The following SEMA3A variants were observed in gnomAD, a reference collection of about 807,000 sequenced individuals.
SEMA3A encodes semaphorin-3A.
In SEMA3A, 29 loss-of-function variants were observed where a neutral mutation model predicts 97.9. That is an observed-to-expected ratio of 0.30 (90% CI 0.22 to 0.40). The LOEUF is 0.40. Ranked by LOEUF, SEMA3A falls within the 10% of genes least tolerant of loss-of-function variation. The probability of loss-of-function intolerance (pLI) is 1.00; values close to 1 mark genes in which losing one functional copy is unlikely to be tolerated. For synonymous variants in SEMA3A, 321 were observed against 323.7 expected (o/e 0.99, Z 0.09); for missense variants, 763 against 951.3 (o/e 0.80, Z 2.60).
intron 3 of SEMA3A, among the ~76,000 whole-genome samples, chr7:84,274,653 T>C (rs930461998): frequency 6.6e-6 from 1 of 152,138 alleles, no homozygotes; most frequent in Non-Finnish European, 1.5e-5. Context: ...TGTACTCTAC[T>C]GTACTTATAA....
chr7:84,016,972 A>G (rs746643603), intron 6 of SEMA3A, among the ~76,000 whole-genome samples: 26 of 152,204 alleles, frequency 1.7e-4, no homozygotes, highest in Non-Finnish European at 2.9e-4. Flanking sequence ...GTAGTTGTTC[A>G]TACAAACACT....
chr7:83,980,623 A>AAAAAAAATATATATATAT (rs1310318006), intron 14 of SEMA3A, among the ~76,000 whole-genome samples: 3 of 71,752 alleles, frequency 4.2e-5, no homozygotes, highest in African/African-American at 2.5e-4. Flanking sequence ...AAAAAAAAAA[A>AAAAAAAATATATATATAT]ATATATATAT....
chr7:84,189,987 A>C (rs940544696), intron 1 of SEMA3A, among the ~76,000 whole-genome samples: 1 of 151,746 alleles, frequency 6.6e-6, no homozygotes, highest in Non-Finnish European at 1.5e-5. Flanking sequence ...AGTCACATGA[A>C]GAGAAAAAAA....
At chr7:84,308,583 T>G (rs1444715399) in intron 2 of SEMA3A, among the ~76,000 whole-genome samples, 2 of 152,122 alleles carry the variant, frequency 1.3e-5, no homozygotes, top group African/African-American at 4.8e-5. Context: ...AGAGTGACAG[T>G]GAGCTACAGC....
intron 3 of SEMA3A, among the ~76,000 whole-genome samples, chr7:84,117,018 C>G (rs1048477821): frequency 9.9e-5 from 15 of 152,114 alleles, no homozygotes; most frequent in Admixed American, 7.9e-4. Flanking sequence ...AATTTTGTCA[C>G]CTGTCAGCCA....
intron 2 of SEMA3A, among the ~76,000 whole-genome samples, chr7:84,130,951 G>A (rs1013929978): frequency 6.6e-6 from 1 of 151,908 alleles, no homozygotes; most frequent in Non-Finnish European, 1.5e-5. Context: ...AGCTCTCGTT[G>A]CTTAATTGTT....
chr7:83,965,383 T>A (rs1039946653), intron 15 of SEMA3A, among the ~76,000 whole-genome samples: 1 of 151,534 alleles, frequency 6.6e-6, no homozygotes, highest in Non-Finnish European at 1.5e-5. Context: ...TGCCAGCATC[T>A]CCTTTATCAA....
chr7:84,072,976 C>T (rs1201697024), intron 4 of SEMA3A, among the ~76,000 whole-genome samples: 1 of 152,086 alleles, frequency 6.6e-6, no homozygotes, highest in Non-Finnish European at 1.5e-5. Context: ...TCGATAACAT[C>T]TTTTTCCAAA....
intron 9 of SEMA3A, among the ~76,000 whole-genome samples, 186 bp from the exon 10 acceptor site, chr7:84,007,683 T>A (rs779084516): frequency 2.0e-4 from 31 of 152,190 alleles, no homozygotes; most frequent in Non-Finnish European, 3.5e-4. Flanking sequence ...AACAAAAAAT[T>A]GTGATTTCTT....
intron 3 of SEMA3A, among the ~76,000 whole-genome samples, chr7:84,243,677 T>A (rs1799417840): frequency 6.6e-6 from 1 of 152,150 alleles, no homozygotes; most frequent in African/African-American, 2.4e-5. Flanking sequence ...TGTAGTTATT[T>A]CTTGTCTTCT....
intron 3 of SEMA3A, among the ~76,000 whole-genome samples, chr7:84,216,710 A>G (rs1798763456): frequency 6.6e-6 from 1 of 152,112 alleles, no homozygotes; most frequent in Non-Finnish European, 1.5e-5. Context: ...AGGTCCATAA[A>G]TATTTTGCAC....
intron 4 of SEMA3A, among the ~76,000 whole-genome samples, chr7:84,085,280 T>C (rs1235970878): frequency 6.6e-6 from 1 of 151,624 alleles, no homozygotes. Context: ...GCATTGAAGT[T>C]TAGGAGGAGC....
At chr7:84,364,131 T>C (rs1802788186) in intron 2 of SEMA3A, among the ~76,000 whole-genome samples, 1 of 151,724 alleles carries the variant, frequency 6.6e-6, no homozygotes, top group Non-Finnish European at 1.5e-5. Flanking sequence ...ACATAATAAA[T>C]ATATATTATA....
In SEMA3A at chr7:83,977,125, G is replaced by A. The variant is rs1302632046; in HGVS notation, c.1717+7C>T. On this transcript the variant is annotated splice_region_variant and intron_variant, in intron 15 of 16. Transcript: ENST00000265362. The stretch of plus-strand genomic sequence containing the variant: ...TAGCAGGTTGAAAGATGAAAAATGT[G>A]ACTTACCATGGTGTAAGTCTGAACA... 1.3e-6 allele frequency: 2 copies of A among 1,527,646 alleles called. No homozygotes were observed. Among genetic ancestry groups the A allele is most frequent in the African/African-American group, 2.8e-5 (2 of 71,574 alleles). 94.6% of individuals were successfully genotyped at this position (1,527,646 alleles called of 1,614,324 possible). A position where few individuals can be genotyped will look rare whatever the true frequency, so the allele number is the denominator to read the frequency against.
chr7:84,294,181 T>C (rs1800816090), intron 3 of SEMA3A, among the ~76,000 whole-genome samples: 1 of 152,064 alleles, frequency 6.6e-6, no homozygotes, highest in African/African-American at 2.4e-5. Flanking sequence ...ATTAAGATTA[T>C]ACATGTTTAT....
intron 4 of SEMA3A, among the ~76,000 whole-genome samples, chr7:84,099,005 T>C (rs1794861573): frequency 6.6e-6 from 1 of 151,660 alleles, no homozygotes; most frequent in Non-Finnish European, 1.5e-5. Flanking sequence ...TCGTGGACAA[T>C]AGTTATAGCA....
chr7:83,963,114 G>T (rs1306191072), intron 16 of SEMA3A, 91 bp downstream of exon 16: 17 of 1,382,256 alleles, frequency 1.2e-5, no homozygotes, highest in Admixed American at 1.7e-5. Flanking sequence ...AGCATTCTCA[G>T]TGCTTTTTCT....
At chr7:84,329,414 T>C (rs569033780) in intron 2 of SEMA3A, among the ~76,000 whole-genome samples, 12 of 152,186 alleles carry the variant, frequency 7.9e-5, no homozygotes, top group African/African-American at 2.9e-4. Context: ...TTTATGTTTT[T>C]CAGCTCATCA....
chr7:84,449,408 T>C (rs1342778268), intron 1 of SEMA3A, among the ~76,000 whole-genome samples: 1 of 151,818 alleles, frequency 6.6e-6, no homozygotes, highest in Non-Finnish European at 1.5e-5. Context: ...CAACAAATTG[T>C]TAAACCTCTA....
Sources: gnomAD v4.1 joint callset for allele counts (sites outside exome capture counted in the v4.1 genomes callset) on GRCh38, gnomAD v4.1.1 for gene constraint, MANE v1.5 for transcripts, NCBI Gene and HGNC (gene_info 2026-07-23, HGNC 2026-07-21) for gene names.